CABLES1: variants seen among roughly 807,000 people sequenced by gnomAD.
The protein encoded by CABLES1 is Cdk5 and Abl enzyme substrate 1, also known as CDK5 and ABL1 enzyme substrate 1.
CABLES1 carries 36 observed loss-of-function variants against 57.8 expected under a neutral mutation model. That is an observed-to-expected ratio of 0.62 (90% confidence interval 0.48 to 0.82). The LOEUF is 0.82. CABLES1 is among the 40% of genes least tolerant of loss of function. The pLI is 0.00. For missense variants in CABLES1, 767 were observed against 836.6 expected (o/e 0.92, Z 1.03); for synonymous variants, 374 against 363.0 (o/e 1.03, Z -0.35).
chr18:23,188,382 A>G (rs2047217793), intron 1 of CABLES1, among the ~76,000 whole-genome samples: 1 of 152,164 alleles, frequency 6.6e-6, no homozygotes, highest in African/African-American at 2.4e-5. Context: ...TTGCATCCTA[A>G]TGATTTTGAA....
intron 3 of CABLES1, chr18:23,196,732 C>T (rs985557462): frequency 6.6e-6 from 1 of 152,248 alleles, no homozygotes; most frequent in Non-Finnish European, 1.5e-5. Flanking sequence ...GTCTCCGATC[C>T]CCCCACCTCA....
intron 7 of CABLES1, among the ~76,000 whole-genome samples, chr18:23,246,698 T>C (rs2047903866): frequency 6.6e-6 from 1 of 151,532 alleles, no homozygotes; most frequent in South Asian, 2.1e-4. Context: ...GCCAGTTTTT[T>C]CGTTTTTGTT....
intron 1 of CABLES1, among the ~76,000 whole-genome samples, chr18:23,172,251 TGG>T (rs2047088022): frequency 6.6e-6 from 1 of 152,216 alleles, no homozygotes; most frequent in African/African-American, 2.4e-5. Flanking sequence ...GAGACAGAGT[TGG>T]ATCTGAACCC....
intron 1 of CABLES1, among the ~76,000 whole-genome samples, chr18:23,151,154 G>T (rs967380789): frequency 6.6e-6 from 1 of 152,034 alleles, no homozygotes; most frequent in Admixed American, 6.6e-5. Context: ...GAGTAGCTGG[G>T]ACTACAGGCA....
chr18:23,256,405 C>T (rs2048166504), intron 9 of CABLES1, among the ~76,000 whole-genome samples: 3 of 152,234 alleles, frequency 2.0e-5, no homozygotes, highest in African/African-American at 4.8e-5. Flanking sequence ...GATGAAAGGA[C>T]TGAACTACAT....
At chr18:23,252,256 A>G (rs558646734) in intron 7 of CABLES1, among the ~76,000 whole-genome samples, 2 of 152,306 alleles carry the variant, frequency 1.3e-5, no homozygotes, top group African/African-American at 2.4e-5. Flanking sequence ...GAGTGTTTCA[A>G]TTGGGAAGAT....
At chr18:23,137,603 CTT>C (rs2046831578) in intron 1 of CABLES1, among the ~76,000 whole-genome samples, 1 of 152,206 alleles carries the variant, frequency 6.6e-6, no homozygotes, top group East Asian at 1.9e-4. Context: ...GAAAGAATGA[CTT>C]TCTCTGCTAG....
intron 2 of CABLES1, among the ~76,000 whole-genome samples, chr18:23,193,086 G>T (rs2047256515): frequency 6.6e-6 from 1 of 152,054 alleles, no homozygotes; most frequent in Admixed American, 6.5e-5. Context: ...CCTAGAGTTG[G>T]GTGGGGGAGT....
chr18:23,182,917 C>T (rs566878407), intron 1 of CABLES1, among the ~76,000 whole-genome samples: 1 of 152,364 alleles, frequency 6.6e-6, no homozygotes, highest in South Asian at 2.1e-4. Context: ...TCAGGGCACT[C>T]TGCTTACCAG....
At position 23,246,717 on chromosome 18, in the gene CABLES1, A is replaced by G. The variant is rs148055540; in HGVS notation, c.1447-6243A>G. Among the ~76,000 whole-genome samples, 16 of 151,810 alleles carry G rather than the reference A, an allele frequency of 1.1e-4. No individual in the cohort carries two copies. In the East Asian group the frequency reaches 3.1e-3, roughly 29 times the overall value. ...GTTTTTTCGTTTTTGTTTTTGAGAC[A>G]GTCTCACTCTGTCACCCAGGCTAGA... On this transcript the variant is annotated intron_variant, in intron 7 of 9. Coordinates refer to ENST00000256925, the MANE Select transcript of CABLES1 (RefSeq NM_001100619.3).
chr18:23,168,937 C>T (rs1398834508), intron 1 of CABLES1, among the ~76,000 whole-genome samples: 2 of 152,222 alleles, frequency 1.3e-5, no homozygotes, highest in African/African-American at 4.8e-5. Flanking sequence ...CTGAGACCTA[C>T]TGGGCTGCAT....
intron 4 of CABLES1, among the ~76,000 whole-genome samples, chr18:23,231,382 A>G (rs892028357): frequency 6.6e-5 from 10 of 152,248 alleles, no homozygotes; most frequent in African/African-American, 2.4e-4. Flanking sequence ...CACGGTAGAT[A>G]AGGACCATCT....
At position 23,257,540 on chromosome 18, in the gene CABLES1, C is replaced by A; in HGVS notation, c.*173C>A. 1 of 648,982 alleles carries A rather than the reference C, an allele frequency of 1.5e-6. No individual in the cohort carries two copies. The highest frequency in any genetic ancestry group is 2.5e-6 in the Non-Finnish European group (1 of 407,106). 40.2% of individuals were successfully genotyped at this position (648,982 alleles called of 1,614,324 possible). A position where few individuals can be genotyped will look rare whatever the true frequency, so the allele number is the denominator to read the frequency against. On this transcript the variant is annotated 3_prime_UTR_variant, in exon 10 of 10. Transcript: ENST00000256925. ...TTTCCAAGGAGTCTTGGGTGTGTAG[C>A]CAAGAGGAGCCATGAGCTATGGACT...
At chr18:23,186,348 G>A (rs2047202290) in intron 1 of CABLES1, among the ~76,000 whole-genome samples, 1 of 152,070 alleles carries the variant, frequency 6.6e-6, no homozygotes, top group Non-Finnish European at 1.5e-5. Flanking sequence ...CCCTTTCTCA[G>A]TTAATTGTTG....
intron 1 of CABLES1, among the ~76,000 whole-genome samples, chr18:23,143,834 C>G (rs1016762189): frequency 1.3e-5 from 2 of 152,186 alleles, no homozygotes; most frequent in Admixed American, 1.3e-4. Flanking sequence ...ATCCCTCCCC[C>G]CCTGGGCTGT....
intron 3 of CABLES1, among the ~76,000 whole-genome samples, chr18:23,203,181 G>A (rs538544050): frequency 8.3e-4 from 127 of 152,222 alleles, no homozygotes; most frequent in Non-Finnish European, 1.3e-3. Flanking sequence ...GCCTGCATGG[G>A]CTTTACTGGG....
At chr18:23,233,403 A>G (rs529132468) in intron 4 of CABLES1, among the ~76,000 whole-genome samples, 8 of 152,210 alleles carry the variant, frequency 5.3e-5, no homozygotes, top group African/African-American at 1.7e-4. Context: ...GAACTCTCCA[A>G]CCTACCGTCC....
rs1417231632 is a variant in CABLES1 at position 23,260,161 on chromosome 18, C to T, written c.*2794C>T. 6.6e-6 allele frequency: 1 copy of T among 152,232 alleles called. No homozygotes were observed. The highest frequency in any genetic ancestry group is 6.5e-5 in the Admixed American group (1 of 15,288). 9.4% of individuals were successfully genotyped at this position (152,232 alleles called of 1,614,324 possible). A position where few individuals can be genotyped will look rare whatever the true frequency, so the allele number is the denominator to read the frequency against. ...TCCAGGGGCCCGAGCCCTTGCCAGC[C>T]CAATGACACCTTGAAGTCACCACTT... On this transcript the variant is annotated 3_prime_UTR_variant, in exon 10 of 10. Coordinates refer to ENST00000256925, the MANE Select transcript of CABLES1 (RefSeq NM_001100619.3).
Position 23,136,578 on chromosome 18 carries a change from C to G in CABLES1, c.816C>G (p.Thr272=). 4.7e-6 allele frequency: 7 copies of G among 1,505,210 alleles called. No individual in the cohort carries two copies. Among genetic ancestry groups the G allele is most frequent in the Non-Finnish European group, 6.2e-6 (7 of 1,132,340 alleles). 93.2% of individuals were successfully genotyped at this position (1,505,210 alleles called of 1,614,324 possible). The change falls in exon 1 of 10, where the codon ACC becomes ACG. Residue 272 remains threonine (T), a synonymous_variant. Coordinates refer to ENST00000256925, the MANE Select transcript of CABLES1 (RefSeq NM_001100619.3). The part of the protein sequence containing the change: ...SLEQPGQGGS[T]SAFEQLQRSR... ...AGCAGCCAGGCCAGGGCGGCAGCAC[C>G]AGCGCCTTCGAGCAGCTGCAGAGGT...
Sources: allele counts gnomAD v4.1 joint callset (sites outside exome capture counted in the v4.1 genomes callset), GRCh38; gene constraint gnomAD v4.1.1; transcripts MANE v1.5; gene names NCBI Gene and HGNC (gene_info 2026-07-23, HGNC 2026-07-21).